Variants in HIP1 observed in about 807,000 individuals in gnomAD.
The protein encoded by HIP1 is huntingtin-interacting protein 1.
A neutral mutation model predicts 147.6 loss-of-function variants in HIP1; 65 were observed. The observed-to-expected ratio is 0.44, with a 90% confidence interval of 0.36 to 0.54. HIP1 has a LOEUF of 0.54. Ranked by LOEUF, HIP1 falls within the 20% of genes least tolerant of loss-of-function variation. The probability of loss-of-function intolerance (pLI) is 0.00; values close to 1 mark genes in which losing one functional copy is unlikely to be tolerated. For synonymous variants in HIP1, 479 were observed against 504.0 expected (o/e 0.95, Z 0.67); for missense variants, 1,061 against 1,299.6 (o/e 0.82, Z 2.82).
At chr7:75,680,334 C>A (rs1402669117) in intron 1 of HIP1, among the ~76,000 whole-genome samples, 3 of 152,062 alleles carry the variant, frequency 2.0e-5, no homozygotes, top group African/African-American at 7.2e-5. Context: ...TGAGTTACAG[C>A]ACCTGGCCGA....
chr7:75,638,076 C>G (rs1196820442), intron 1 of HIP1, among the ~76,000 whole-genome samples: 1 of 150,222 alleles, frequency 6.7e-6, no homozygotes, highest in African/African-American at 2.5e-5. Context: ...GATTGCCTCC[C>G]CCCTCCCAAG....
At chr7:75,697,117 C>A (rs1800665570) in intron 1 of HIP1, among the ~76,000 whole-genome samples, 1 of 152,036 alleles carries the variant, frequency 6.6e-6, no homozygotes, top group Admixed American at 6.6e-5. Context: ...AACAGCTAAC[C>A]AAATTAGCCT....
chr7:75,645,938 A>G (rs1798786639), intron 1 of HIP1, among the ~76,000 whole-genome samples: 1 of 152,194 alleles, frequency 6.6e-6, no homozygotes, highest in Non-Finnish European at 1.5e-5. Context: ...GGGGACTCCA[A>G]AAGGGAGGAG....
chr7:75,734,882 T>G (rs1554523479), intron 1 of HIP1, among the ~76,000 whole-genome samples: 1 of 152,100 alleles, frequency 6.6e-6, no homozygotes, highest in African/African-American at 2.4e-5. Flanking sequence ...CGGGGAGGGC[T>G]CCCAACCCCA....
intron 1 of HIP1, among the ~76,000 whole-genome samples, chr7:75,729,350 G>A (rs1801759102): frequency 6.6e-6 from 1 of 151,002 alleles, no homozygotes; most frequent in South Asian, 2.1e-4. Flanking sequence ...AGCTGGGTGT[G>A]GCAGCACATA....
chr7:75,542,860 C>T lies in HIP1; in HGVS notation c.2881G>A (p.Glu961Lys), dbSNP rs140538287. ...ASTISGKSQI[E>K]ETDNMDFSSM... ...CCTTTGGAAAGGCTACCTGTCTCTT[C>T]GATCTGTGATTTGCCGGAAATGGTT... Residue 961 changes from glutamate (E) to lysine (K), a missense_variant, in exon 28 of 31, where the codon GAA becomes AAA. Coordinates refer to ENST00000336926, the MANE Select transcript of HIP1 (RefSeq NM_005338.7). The T allele has an allele frequency of 6.1e-4, 978 of 1,613,968 alleles. No individual in the cohort carries two copies. The highest frequency in any genetic ancestry group is 7.9e-4 in the Non-Finnish European group (931 of 1,179,950).
chr7:75,601,628 GAA>G (rs782469012), intron 1 of HIP1, among the ~76,000 whole-genome samples: 1 of 147,308 alleles, frequency 6.8e-6, no homozygotes, highest in Non-Finnish European at 1.5e-5. Flanking sequence ...AAAAAAAAAA[GAA>G]AAAGAAAGAA....
chr7:75,585,072 A>C (rs1584834426), intron 5 of HIP1, among the ~76,000 whole-genome samples: 3 of 150,234 alleles, frequency 2.0e-5, no homozygotes, highest in South Asian at 4.2e-4. Flanking sequence ...CTGGTCTCCA[A>C]CTCCTGGCCT....
At chr7:75,648,734 G>C (rs76362633) in intron 1 of HIP1, among the ~76,000 whole-genome samples, 2 of 152,076 alleles carry the variant, frequency 1.3e-5, no homozygotes, top group South Asian at 4.1e-4. Flanking sequence ...GACATGAGAC[G>C]TGCTGTGGGA....
At chr7:75,694,227 A>C (rs1331248537) in intron 1 of HIP1, among the ~76,000 whole-genome samples, 1 of 151,532 alleles carries the variant, frequency 6.6e-6, no homozygotes, top group Non-Finnish European at 1.5e-5. Context: ...CCCAATTCTC[A>C]TTTCTTTACT....
In HIP1 at chr7:75,711,577, A is replaced by G. The variant is rs144318440; in HGVS notation, c.120+27224T>C. 6.2e-3 allele frequency among the ~76,000 whole-genome samples: 947 copies of G among 152,296 alleles called. 16 individuals carry two copies. The highest frequency in any genetic ancestry group is 0.021 in the African/African-American group (881 of 41,568). Reference sequence around the variant, plus strand: ...TAGTCCTATTTATAGTCTGGAAGGGACATTTGAGATCAAAAACGCCATCCT... The same window carrying G: ...TAGTCCTATTTATAGTCTGGAAGGGGCATTTGAGATCAAAAACGCCATCCT... On this transcript the variant is annotated intron_variant, in intron 1 of 30. Transcript: ENST00000336926.
rs2079207 is a variant in HIP1, at chr7:75,662,820, G to A, written c.121-63573C>T. Among the ~76,000 whole-genome samples the A allele has an allele frequency of 1.1e-3, 169 of 152,248 alleles. 1 individual carries two copies. Among genetic ancestry groups the A allele is most frequent in the African/African-American group, 3.9e-3 (160 of 41,546 alleles). ...GAGGTTTTTAAAGGTTAGAGGACACGAGGGCCTGTTTTTAAGCTGAGAGGA... is the reference window on the plus strand; with the variant it reads ...GAGGTTTTTAAAGGTTAGAGGACACAAGGGCCTGTTTTTAAGCTGAGAGGA... On this transcript the variant is annotated intron_variant, in intron 1 of 30. Coordinates refer to ENST00000336926, the MANE Select transcript of HIP1 (RefSeq NM_005338.7).
Position 75,534,007 on chromosome 7 carries a change from G to A in HIP1, c.*4165C>T. The A allele has an allele frequency of 4.3e-6, 1 of 232,014 alleles. No individual in the cohort carries two copies. The highest frequency in any genetic ancestry group is 6.1e-5 in the East Asian group (1 of 16,422). 14.4% of individuals were successfully genotyped at this position (232,014 alleles called of 1,614,324 possible). ...GGATTTCCAGAGATTTGGAAAGGTG[G>A]TAGAAGGTAGCAAGATGCTGACCGG... is the stretch of plus-strand genomic sequence containing the variant. On this transcript the variant is annotated 3_prime_UTR_variant, in exon 31 of 31. Transcript: ENST00000336926.
At chr7:75,717,941 G>A (rs13239350) in intron 1 of HIP1, among the ~76,000 whole-genome samples, 66,965 of 150,434 alleles carry the variant, frequency 0.45, 15,096 homozygotes, top group Admixed American at 0.5. Context: ...CTGCATTCCA[G>A]CCTGGGTGAC....
chr7:75,731,478 C>CAAAAAAA (rs1214036700), intron 1 of HIP1, among the ~76,000 whole-genome samples: 1 of 36,314 alleles, frequency 2.8e-5, no homozygotes, highest in Non-Finnish European at 5.3e-5. Flanking sequence ...GACTCCAACT[C>CAAAAAAA]AAAAAAAAAA....
intron 28 of HIP1, among the ~76,000 whole-genome samples, 174 bp downstream of exon 28, chr7:75,542,677 C>T (rs1163100418): frequency 1.3e-5 from 2 of 151,376 alleles, no homozygotes; most frequent in South Asian, 2.1e-4. Context: ...CCAGCCTGGG[C>T]GACAGAGTGA....
At chr7:75,603,240 A>G (rs1797076213) in intron 1 of HIP1, among the ~76,000 whole-genome samples, 1 of 151,198 alleles carries the variant, frequency 6.6e-6, no homozygotes, top group South Asian at 2.1e-4. Context: ...CCTAGCTATT[A>G]GGGAGGTTGA....
rs1466972496 is a variant in HIP1 at position 75,558,368 on chromosome 7, G to T, written c.1376-113C>A. The T allele has an allele frequency of 2.1e-5, 17 of 817,902 alleles. No individual in the cohort carries two copies. The Admixed American group carries it at 2.5e-4, about 12-fold the overall frequency. The allele number at this position is 817,902 out of a possible 1,614,324, so 50.7% of individuals were successfully genotyped here. On this transcript the variant is annotated intron_variant, in intron 14 of 30. Transcript: ENST00000336926. ...CCTTGTTTTGTTTTGAGACAGTCTTGCTCTGTCACCCAGGCTGGGGTGCAG... is the reference window on the plus strand; with the variant it reads ...CCTTGTTTTGTTTTGAGACAGTCTTTCTCTGTCACCCAGGCTGGGGTGCAG...
intron 7 of HIP1, 107 bp from the exon 8 acceptor site, chr7:75,574,008 T>G (rs1239400246): frequency 1.1e-6 from 1 of 907,776 alleles, no homozygotes; most frequent in African/African-American, 1.6e-5. Flanking sequence ...ACCGATTCTG[T>G]GCGTGCTTTA....
Sources: gnomAD v4.1 joint callset for allele counts (sites outside exome capture counted in the v4.1 genomes callset) on GRCh38, gnomAD v4.1.1 for gene constraint, MANE v1.5 for transcripts, NCBI Gene and HGNC (gene_info 2026-07-23, HGNC 2026-07-21) for gene names.